FGD4: variants seen among roughly 807,000 people sequenced by gnomAD.
The protein encoded by FGD4 is FYVE, RhoGEF and PH domain containing 4, also known as FYVE, RhoGEF and PH domain-containing protein 4.
In FGD4, 42 loss-of-function variants were observed where a neutral mutation model predicts 102.0. That is an observed-to-expected ratio of 0.41 (90% CI 0.32 to 0.53). The LOEUF (loss-of-function observed/expected upper bound fraction) is 0.53, where lower values mean the gene tolerates loss of function less well. Ranked by LOEUF, FGD4 falls within the 20% of genes least tolerant of loss-of-function variation. The probability of loss-of-function intolerance (pLI) is 0.21; values close to 1 mark genes in which losing one functional copy is unlikely to be tolerated. For missense variants in FGD4, 902 were observed against 1,078.2 expected (o/e 0.84, Z 2.29); for synonymous variants, 380 against 375.7 (o/e 1.01, Z -0.13).
Position 32,633,701 on chromosome 12 carries a change from T to G in FGD4, c.2313+12T>G, listed in dbSNP as rs1950625025. On this transcript the variant is annotated intron_variant, in intron 15 of 16. Transcript: ENST00000534526. Reference sequence around the variant, plus strand: ...AAGGAATTTTAGAGGTAAGAAATATTAAATATTGGATATCTTTTAGATTAT... The same window carrying G: ...AAGGAATTTTAGAGGTAAGAAATATGAAATATTGGATATCTTTTAGATTAT... 6.3e-7 allele frequency: 1 copy of G among 1,579,690 alleles called. No homozygotes were observed. Among genetic ancestry groups the G allele is most frequent in the South Asian group, 1.1e-5 (1 of 90,010 alleles).
intron 1 of FGD4, among the ~76,000 whole-genome samples, chr12:32,453,897 T>C (rs1440363519): frequency 6.6e-6 from 1 of 152,144 alleles, no homozygotes; most frequent in East Asian, 1.9e-4. Context: ...AGGAGTCTGA[T>C]TTGCATCTAA....
In FGD4 at chr12:32,634,865, G is replaced by A. The variant is rs1950702041; in HGVS notation, c.2313+1176G>A. On this transcript the variant is annotated intron_variant, in intron 15 of 16. Coordinates refer to ENST00000534526, the MANE Select transcript of FGD4 (RefSeq NM_001370298.3). The stretch of plus-strand genomic sequence containing the variant: ...TAGCTGGGTGTGGTGGCACACACCT[G>A]TAGTCCGAGCTACTTGGGAGGCTGA... 2.0e-5 allele frequency among the ~76,000 whole-genome samples: 3 copies of A among 152,162 alleles called. No individual in the cohort carries two copies. The South Asian group carries it at 6.2e-4, about 32-fold the overall frequency.
chr12:32,634,954 C>T (rs750838953), intron 15 of FGD4, among the ~76,000 whole-genome samples: 5 of 151,756 alleles, frequency 3.3e-5, no homozygotes, highest in Admixed American at 1.3e-4. Context: ...CGCCACTGCA[C>T]TCCAGCCTGG....
Position 32,429,406 on chromosome 12 carries a change from C to T in FGD4, c.166+29447C>T, listed in dbSNP as rs569233991. The stretch of plus-strand genomic sequence containing the variant: ...CTCTTCCTTCCTCTGGAAGCTTCGT[C>T]CCAGAGGGGCACCCTCCACATGCCA... On this transcript the variant is annotated intron_variant, in intron 1 of 16. Transcript: ENST00000534526. Among the ~76,000 whole-genome samples, 5 of 152,316 alleles carry T rather than the reference C, an allele frequency of 3.3e-5. No homozygotes were observed. The East Asian group carries it at 5.8e-4, about 18-fold the overall frequency.
chr12:32,585,254 A>ATG (rs1555210533), intron 4 of FGD4, among the ~76,000 whole-genome samples: 1 of 135,822 alleles, frequency 7.4e-6, no homozygotes, highest in East Asian at 2.1e-4. Context: ...ATATATATAT[A>ATG]TATGTATATC....
At chr12:32,464,951 C>G (rs546316406) in intron 1 of FGD4, among the ~76,000 whole-genome samples, 39 of 152,294 alleles carry the variant, frequency 2.6e-4, no homozygotes, top group African/African-American at 8.9e-4. Context: ...TCATCCTAAA[C>G]TGTGCTGTTC....
chr12:32,560,615 T>C (rs1944459082), intron 1 of FGD4, among the ~76,000 whole-genome samples: 1 of 152,196 alleles, frequency 6.6e-6, no homozygotes, highest in Admixed American at 6.5e-5. Flanking sequence ...ATTCTTGTTA[T>C]ATTTTACTAA....
At chr12:32,557,385 C>T (rs1664520286) in intron 1 of FGD4, among the ~76,000 whole-genome samples, 1 of 152,152 alleles carries the variant, frequency 6.6e-6, no homozygotes, top group Admixed American at 6.5e-5. Flanking sequence ...CATTTCTATA[C>T]ATTTGTCTAT....
At position 32,611,055 on chromosome 12, in the gene FGD4, G is replaced by T; in HGVS notation, c.1603-82G>T. 6 of 1,534,950 alleles carry T rather than the reference G, an allele frequency of 3.9e-6. No individual in the cohort carries two copies. In the South Asian group the frequency reaches 6.8e-5, roughly 18 times the overall value. The stretch of plus-strand genomic sequence containing the variant: ...TTACTCCTAATCCCTTCTAAATTTA[G>T]ATTTTAGTTAAGGTCATAGTATTAT... On this transcript the variant is annotated intron_variant, in intron 9 of 16. Coordinates refer to ENST00000534526, the MANE Select transcript of FGD4 (RefSeq NM_001370298.3).
intron 5 of FGD4, chr12:32,600,588 C>A: frequency 2.4e-5 from 6 of 250,040 alleles, no homozygotes; most frequent in African/African-American, 7.7e-5. Flanking sequence ...TTCTTTCTTT[C>A]TTTCTTTTTT....
intron 11 of FGD4, 88 bp from the exon 12 acceptor site, chr12:32,624,334 A>G: frequency 9.4e-7 from 1 of 1,060,620 alleles, no homozygotes; most frequent in East Asian, 2.5e-5. Flanking sequence ...TTTTCCAGAA[A>G]GTTGGAACAA....
chr12:32,624,003 T>C (rs1201076482), intron 11 of FGD4, among the ~76,000 whole-genome samples: 1 of 152,176 alleles, frequency 6.6e-6, no homozygotes, highest in Non-Finnish European at 1.5e-5. Flanking sequence ...TAGGGAGATA[T>C]TTTAGATTCT....
chr12:32,523,445 G>T (rs1396710049), intron 1 of FGD4, among the ~76,000 whole-genome samples: 1 of 152,126 alleles, frequency 6.6e-6, no homozygotes, highest in African/African-American at 2.4e-5. Flanking sequence ...TAATGTAGTA[G>T]TTTTAAGCTA....
intron 10 of FGD4, among the ~76,000 whole-genome samples, chr12:32,611,988 C>T (rs867677903): frequency 7.9e-5 from 12 of 152,334 alleles, no homozygotes; most frequent in African/African-American, 2.6e-4. Context: ...GTTCCGATTT[C>T]GGAGCAAATT....
At chr12:32,403,823 A>C (rs980291759) in intron 1 of FGD4, among the ~76,000 whole-genome samples, 3 of 151,924 alleles carry the variant, frequency 2.0e-5, no homozygotes, top group Admixed American at 2.0e-4. Flanking sequence ...TCTCAATATC[A>C]TGACCTCGTG....
intron 1 of FGD4, among the ~76,000 whole-genome samples, chr12:32,465,000 T>C (rs981508350): frequency 1.3e-5 from 2 of 152,156 alleles, no homozygotes; most frequent in Non-Finnish European, 2.9e-5. Flanking sequence ...TGTGATGTAA[T>C]AGGGATTAAA....
intron 1 of FGD4, among the ~76,000 whole-genome samples, chr12:32,472,374 C>G (rs1191998872): frequency 6.6e-6 from 1 of 151,904 alleles, no homozygotes; most frequent in Non-Finnish European, 1.5e-5. Context: ...TTGGTGGGCC[C>G]CGCACTCGGA....
intron 1 of FGD4, among the ~76,000 whole-genome samples, chr12:32,408,418 C>T (rs1182196724): frequency 2.0e-5 from 3 of 152,180 alleles, no homozygotes; most frequent in African/African-American, 4.8e-5. Context: ...CCGCCCACCA[C>T]GGCCTCACAT....
chr12:32,636,869 T>C (rs541009552), intron 15 of FGD4, among the ~76,000 whole-genome samples: 19 of 150,520 alleles, frequency 1.3e-4, no homozygotes, highest in Admixed American at 3.3e-4. Flanking sequence ...TCAGTATTTT[T>C]TTTCTTTTTT....
Sources: allele counts gnomAD v4.1 joint callset (sites outside exome capture counted in the v4.1 genomes callset), GRCh38; gene constraint gnomAD v4.1.1; transcripts MANE v1.5; gene names NCBI Gene and HGNC (gene_info 2026-07-23, HGNC 2026-07-21).